Variants in GABRG3 observed in about 807,000 individuals in gnomAD.
GABRG3 encodes gamma-aminobutyric acid type A receptor subunit gamma3.
In GABRG3, 25 loss-of-function variants were observed where a neutral mutation model predicts 48.8. The observed-to-expected ratio is 0.51, with a 90% CI of 0.37 to 0.72. GABRG3 has a LOEUF of 0.72. Among genes scored for constraint, GABRG3 ranks in the 30% least tolerant of loss-of-function variants. The pLI, the probability that GABRG3 is intolerant of heterozygous loss-of-function variation, is 0.00. For synonymous variants in GABRG3, 227 were observed against 217.6 expected, an observed-to-expected ratio of 1.04 and a Z score of -0.38; for missense variants, 394 against 577.9, an observed-to-expected ratio of 0.68 and a Z score of 3.26.
intron 3 of GABRG3, among the ~76,000 whole-genome samples, chr15:27,264,892 T>A (rs1480930031): frequency 6.6e-6 from 1 of 152,138 alleles, no homozygotes; most frequent in Non-Finnish European, 1.5e-5. Flanking sequence ...ACCATTATTC[T>A]TAATACTTAT....
chr15:27,137,692 G>A (rs1898034144), intron 3 of GABRG3, among the ~76,000 whole-genome samples: 1 of 152,124 alleles, frequency 6.6e-6, no homozygotes. Flanking sequence ...CAAACACAGA[G>A]TTCACAGGAC....
intron 3 of GABRG3, among the ~76,000 whole-genome samples, chr15:27,306,223 C>T (rs1179099478): frequency 9.4e-6 from 1 of 106,930 alleles, no homozygotes; most frequent in Non-Finnish European, 2.0e-5. Context: ...GTAATATAAA[C>T]ATATGTTCTA....
intron 5 of GABRG3, among the ~76,000 whole-genome samples, chr15:27,357,643 A>C (rs2140542938): frequency 6.6e-6 from 1 of 152,320 alleles, no homozygotes; most frequent in South Asian, 2.1e-4. Context: ...AAATATCTTT[A>C]ATGTCTGGCT....
At chr15:27,309,972 T>C (rs1353223835) in intron 3 of GABRG3, among the ~76,000 whole-genome samples, 3 of 152,120 alleles carry the variant, frequency 2.0e-5, no homozygotes, top group African/African-American at 7.2e-5. Context: ...AACAGTGGCA[T>C]AATATTTATA....
At position 27,019,055 on chromosome 15, in the gene GABRG3, CTTTTTTTTTTTTTTTT is replaced by C. The variant is rs9331868; in HGVS notation, c.203-7683_203-7668del. Reference sequence around the variant, plus strand: ...CATTGAAGTATTTGTTCCCTAGAGTCTTTTTTTTTTTTTTTTTTTTTTTTTTTTTTTGAGATGGAGT... The same window carrying C: ...CATTGAAGTATTTGTTCCCTAGAGTCTTTTTTTTTTTTTTTGAGATGGAGT... On this transcript the variant is annotated intron_variant, in intron 2 of 9. Coordinates refer to ENST00000615808, the MANE Select transcript of GABRG3 (RefSeq NM_033223.5). Among the ~76,000 whole-genome samples the C allele has an allele frequency of 2.9e-4, 12 of 42,036 alleles. 1 individual carries two copies. The highest frequency in any genetic ancestry group is 2.8e-3 in the Admixed American group (6 of 2,144). 27.6% of individuals were successfully genotyped at this position (42,036 alleles called of 152,430 possible).
At chr15:27,071,961 C>A (rs1048140439) in intron 3 of GABRG3, among the ~76,000 whole-genome samples, 2 of 152,228 alleles carry the variant, frequency 1.3e-5, no homozygotes, top group African/African-American at 4.8e-5. Flanking sequence ...TAGATCAGGT[C>A]ATTTCCTACT....
chr15:27,151,763 G>A (rs532918811), intron 3 of GABRG3, among the ~76,000 whole-genome samples: 2 of 152,226 alleles, frequency 1.3e-5, no homozygotes, highest in South Asian at 4.1e-4. Flanking sequence ...ACTGCAGGAG[G>A]CCTCTGAAAC....
chr15:27,509,077 A>T (rs1890834822), intron 6 of GABRG3, among the ~76,000 whole-genome samples: 1 of 152,132 alleles, frequency 6.6e-6, no homozygotes, highest in Non-Finnish European at 1.5e-5. Flanking sequence ...ACTTTTGGAA[A>T]GTGTTTTTAC....
At chr15:27,066,473 C>A (rs1294997010) in intron 3 of GABRG3, among the ~76,000 whole-genome samples, 1 of 152,100 alleles carries the variant, frequency 6.6e-6, no homozygotes, top group East Asian at 1.9e-4. Context: ...CAATGAGATG[C>A]CAACACATAG....
In GABRG3 at chr15:27,256,404, G is replaced by C. The variant is rs981142455; in HGVS notation, c.271-70405G>C. ...TGCAGTGAGCCGAGATGGCGCCACT[G>C]CACTCCAGCCTGGGCGACAGAGCAA... On this transcript the variant is annotated intron_variant, in intron 3 of 9. Coordinates refer to ENST00000615808, the MANE Select transcript of GABRG3 (RefSeq NM_033223.5). Among the ~76,000 whole-genome samples, 29 of 144,620 alleles carry C rather than the reference G, an allele frequency of 2.0e-4. No homozygotes were observed. The Middle Eastern group carries it at 0.014, about 72-fold the overall frequency. 94.9% of individuals were successfully genotyped at this position (144,620 alleles called of 152,430 possible).
intron 5 of GABRG3, among the ~76,000 whole-genome samples, chr15:27,427,473 C>T (rs1888326198): frequency 6.6e-6 from 1 of 152,216 alleles, no homozygotes; most frequent in Non-Finnish European, 1.5e-5. Context: ...ATCCTACCTT[C>T]TGCTGTGATG....
chr15:27,306,132 TTA>T (rs1187492636), intron 3 of GABRG3, among the ~76,000 whole-genome samples: 3 of 127,030 alleles, frequency 2.4e-5, no homozygotes, highest in Non-Finnish European at 4.7e-5. Context: ...ACCTATATGT[TTA>T]TATATAAACA....
chr15:27,111,448 T>A (rs1235600285), intron 3 of GABRG3, among the ~76,000 whole-genome samples: 2 of 152,212 alleles, frequency 1.3e-5, no homozygotes, highest in African/African-American at 4.8e-5. Flanking sequence ...TGTACTTTTT[T>A]ACTGAAATCC....
At chr15:27,028,852 C>G (rs1264845758) in intron 3 of GABRG3, among the ~76,000 whole-genome samples, 1 of 151,332 alleles carries the variant, frequency 6.6e-6, no homozygotes, top group African/African-American at 2.4e-5. Flanking sequence ...AGTCAGACCC[C>G]TCTCTCCCTG....
intron 5 of GABRG3, among the ~76,000 whole-genome samples, chr15:27,360,875 G>A (rs1233513455): frequency 1.3e-5 from 2 of 152,222 alleles, no homozygotes; most frequent in Non-Finnish European, 2.9e-5. Context: ...GCACTGTCTG[G>A]CCATGAGTGG....
At chr15:26,971,843 G>A (rs1894852021) in intron 1 of GABRG3, among the ~76,000 whole-genome samples, 1 of 152,136 alleles carries the variant, frequency 6.6e-6, no homozygotes, top group Admixed American at 6.5e-5. Flanking sequence ...TTTAGGATCT[G>A]GTGGTTTTAA....
intron 2 of GABRG3, among the ~76,000 whole-genome samples, chr15:26,984,881 G>A (rs1386329124): frequency 1.3e-5 from 2 of 152,168 alleles, no homozygotes; most frequent in Non-Finnish European, 2.9e-5. Flanking sequence ...TTTTAAAAGT[G>A]AATAGACACT....
chr15:27,508,630 C>T (rs1019018162), intron 6 of GABRG3, among the ~76,000 whole-genome samples: 1 of 152,108 alleles, frequency 6.6e-6, no homozygotes. Context: ...CTCTGAAGAA[C>T]TTCCTTTCCA....
chr15:27,101,459 G>C (rs1566935798), intron 3 of GABRG3, among the ~76,000 whole-genome samples: 1 of 152,110 alleles, frequency 6.6e-6, no homozygotes, highest in African/African-American at 2.4e-5. Flanking sequence ...TCACAGAACA[G>C]TACAACACCT....
Sources: gnomAD v4.1 joint callset for allele counts (sites outside exome capture counted in the v4.1 genomes callset) on GRCh38, gnomAD v4.1.1 for gene constraint, MANE v1.5 for transcripts, NCBI Gene and HGNC (gene_info 2026-07-23, HGNC 2026-07-21) for gene names.